Variants in NSRP1 observed in about 807,000 individuals in gnomAD.
NSRP1 encodes coiled-coil domain containing 55.
NSRP1 carries 24 observed loss-of-function variants against 54.7 expected under a neutral mutation model. That is an observed-to-expected ratio of 0.44 (90% CI 0.32 to 0.62). The LOEUF (loss-of-function observed/expected upper bound fraction) is 0.62. NSRP1 is among the 20% of genes least tolerant of loss of function. The pLI is 0.06. For synonymous variants in NSRP1, 210 were observed against 213.8 expected, an observed-to-expected ratio of 0.98 and a Z score of 0.15; for missense variants, 596 against 651.2, an observed-to-expected ratio of 0.92 and a Z score of 0.92.
At position 30,185,280 on chromosome 17, in the gene NSRP1, A is replaced by G. The variant is rs1478855544; in HGVS notation, c.1283A>G (p.Tyr428Cys). 6.9e-6 allele frequency: 11 copies of G among 1,602,988 alleles called. No individual in the cohort carries two copies. The South Asian group carries it at 9.0e-5, about 13-fold the overall frequency. The change falls in exon 7 of 7, where the codon TAT (tyrosine) becomes TGT (cysteine). Residue 428 changes from tyrosine (Y) to cysteine (C), a missense_variant. Coordinates refer to ENST00000247026, the MANE Select transcript of NSRP1 (RefSeq NM_032141.4). ...CATATGAAAGTAAGGAAGGAAAGATATGAAAATAATGATAAATACAGAGAT... is the reference window on the plus strand; with the variant it reads ...CATATGAAAGTAAGGAAGGAAAGATGTGAAAATAATGATAAATACAGAGAT... The part of the protein sequence containing the change: ...EEHMKVRKER[Y>C]ENNDKYRDRE...
chr17:30,127,588 A>AT (rs1437920282), intron 2 of NSRP1, among the ~76,000 whole-genome samples: 1 of 151,918 alleles, frequency 6.6e-6, no homozygotes, highest in Non-Finnish European at 1.5e-5. Context: ...TAATTTGTTT[A>AT]TTTTTTGTAG....
intron 2 of NSRP1, among the ~76,000 whole-genome samples, chr17:30,171,110 A>G (rs1230453173): frequency 2.6e-5 from 4 of 151,822 alleles, no homozygotes; most frequent in Admixed American, 1.3e-4. Flanking sequence ...TGCCCATGTG[A>G]TGACTACTTC....
chr17:30,134,255 T>TA (rs2071728443), intron 2 of NSRP1, among the ~76,000 whole-genome samples: 1 of 152,194 alleles, frequency 6.6e-6, no homozygotes, highest in Non-Finnish European at 1.5e-5. Flanking sequence ...CCCAAACAGA[T>TA]ACGTTAATAA....
Position 30,118,176 on chromosome 17 carries a change from A to G in NSRP1, c.114+3A>G. 1 of 1,610,512 alleles carries G rather than the reference A, an allele frequency of 6.2e-7. No individual in the cohort carries two copies. The highest frequency in any genetic ancestry group is 8.5e-7 in the Non-Finnish European group (1 of 1,177,274). On this transcript the variant is annotated splice_donor_region_variant and intron_variant, in intron 2 of 6. Coordinates refer to ENST00000247026, the MANE Select transcript of NSRP1 (RefSeq NM_032141.4). ...ATGATTCTGATGATGATGATGAGGT[A>G]AGGAAACCTATGTTTTACTCGTGCA...
intron 2 of NSRP1, among the ~76,000 whole-genome samples, chr17:30,134,427 T>C (rs1473007078): frequency 6.6e-6 from 1 of 152,190 alleles, no homozygotes; most frequent in East Asian, 1.9e-4. Flanking sequence ...CCACACATCT[T>C]CAATTTGTAG....
At chr17:30,154,490 G>T (rs987943465) in intron 2 of NSRP1, 3 of 151,972 alleles carry the variant, frequency 2.0e-5, no homozygotes, top group Non-Finnish European at 4.4e-5. Context: ...GAGGCGAGAG[G>T]ATTGCTTCAG....
At chr17:30,158,143 G>A (rs1904377526) in intron 2 of NSRP1, among the ~76,000 whole-genome samples, 1 of 152,024 alleles carries the variant, frequency 6.6e-6, no homozygotes, top group African/African-American at 2.4e-5. Context: ...GTTATTTCCT[G>A]TCTTTTTAAT....
rs143800178 is a variant in NSRP1, at chr17:30,167,168, C to T, written c.115-5374C>T. Among the ~76,000 whole-genome samples the T allele has an allele frequency of 1.8e-3, 268 of 152,228 alleles. 2 individuals carry two copies. The highest frequency in any genetic ancestry group is 6.1e-3 in the African/African-American group (255 of 41,542). On this transcript the variant is annotated intron_variant, in intron 2 of 6. Coordinates refer to ENST00000247026, the MANE Select transcript of NSRP1 (RefSeq NM_032141.4). Reference sequence around the variant, plus strand: ...ATCTTTTTGTGTGTGGCTTATTTTACTTAAGGTAATGACCTCCAGTTCCTT... The same window carrying T: ...ATCTTTTTGTGTGTGGCTTATTTTATTTAAGGTAATGACCTCCAGTTCCTT...
At chr17:30,160,246 T>C (rs1904467289) in intron 2 of NSRP1, among the ~76,000 whole-genome samples, 1 of 152,216 alleles carries the variant, frequency 6.6e-6, no homozygotes. Context: ...AACTATGGCC[T>C]GTAGTTTTTT....
intron 2 of NSRP1, among the ~76,000 whole-genome samples, chr17:30,146,946 C>T (rs1461514537): frequency 6.6e-6 from 1 of 152,176 alleles, no homozygotes; most frequent in African/African-American, 2.4e-5. Context: ...CTCTTCTAGT[C>T]CTTATACCTC....
intron 2 of NSRP1, among the ~76,000 whole-genome samples, chr17:30,158,343 T>C (rs1360720189): frequency 6.7e-6 from 1 of 149,082 alleles, no homozygotes; most frequent in Non-Finnish European, 1.5e-5. Context: ...TTGTTTTGAG[T>C]TCCTTCTATA....
intron 2 of NSRP1, among the ~76,000 whole-genome samples, chr17:30,131,515 T>G (rs1335893067): frequency 2.7e-5 from 4 of 150,456 alleles, no homozygotes; most frequent in Non-Finnish European, 4.4e-5. Flanking sequence ...TATGCTATGC[T>G]GTAGTTTTTA....
At chr17:30,175,647 C>G (rs555632765) in intron 3 of NSRP1, among the ~76,000 whole-genome samples, 1 of 152,044 alleles carries the variant, frequency 6.6e-6, no homozygotes, top group East Asian at 1.9e-4. Flanking sequence ...TCAGGAGATC[C>G]GCCCGTCTTC....
chr17:30,133,369 C>G (rs530249692), intron 2 of NSRP1, among the ~76,000 whole-genome samples: 14 of 152,090 alleles, frequency 9.2e-5, no homozygotes, highest in Non-Finnish European at 1.9e-4. Flanking sequence ...TTGTACATCT[C>G]TGTCAGAGCT....
At chr17:30,170,760 A>G (rs1340096122) in intron 2 of NSRP1, among the ~76,000 whole-genome samples, 1 of 152,198 alleles carries the variant, frequency 6.6e-6, no homozygotes, top group Non-Finnish European at 1.5e-5. Flanking sequence ...AGCTACCTTT[A>G]CCAGGTGGTG....
In NSRP1 at chr17:30,179,079, T is replaced by C; in HGVS notation, c.301-11T>C. On this transcript the variant is annotated splice_polypyrimidine_tract_variant and intron_variant, in intron 4 of 6. Transcript: ENST00000247026. ...TTTTACTCTTTTCCTAAATCTTTTT[T>C]ATTTCCTTAGCCCAAGTATATTCAC... 6.9e-7 allele frequency: 1 copy of C among 1,447,216 alleles called. No homozygotes were observed. The highest frequency in any genetic ancestry group is 2.4e-5 in the East Asian group (1 of 42,102). The allele number at this position is 1,447,216 out of a possible 1,614,324, so 89.6% of individuals were successfully genotyped here.
chr17:30,153,604 CTA>C (rs1212591529), intron 2 of NSRP1, among the ~76,000 whole-genome samples: 1 of 152,094 alleles, frequency 6.6e-6, no homozygotes, highest in Non-Finnish European at 1.5e-5. Flanking sequence ...TGTTGGCAAA[CTA>C]TGTCTCATGT....
At chr17:30,153,055 C>G (rs554082564) in intron 2 of NSRP1, among the ~76,000 whole-genome samples, 40 of 151,996 alleles carry the variant, frequency 2.6e-4, no homozygotes, top group African/African-American at 9.4e-4. Flanking sequence ...GCTGGGATTA[C>G]AGGCGTGCAC....
intron 3 of NSRP1, among the ~76,000 whole-genome samples, chr17:30,173,026 C>T (rs1905010281): frequency 6.6e-6 from 1 of 151,140 alleles, no homozygotes; most frequent in South Asian, 2.1e-4. Flanking sequence ...TGCCGTGGTG[C>T]ACTCTCGGCT....
Sources: gnomAD v4.1 joint callset for allele counts (sites outside exome capture counted in the v4.1 genomes callset) on GRCh38, gnomAD v4.1.1 for gene constraint, MANE v1.5 for transcripts, NCBI Gene and HGNC (gene_info 2026-07-23, HGNC 2026-07-21) for gene names.